Variants in ROBO2 observed in about 807,000 individuals in gnomAD.
ROBO2 encodes the protein roundabout homolog 2.
ROBO2 carries 53 observed loss-of-function variants against 160.8 expected under a neutral mutation model. The observed-to-expected ratio is 0.33, with a 90% CI of 0.26 to 0.41. The LOEUF is 0.41. Among genes scored for constraint, ROBO2 ranks in the 10% least tolerant of loss-of-function variants. ROBO2 has a pLI of 1.00. For synonymous variants in ROBO2, 664 were observed against 611.7 expected (o/e 1.09, Z -1.26); for missense variants, 1,577 against 1,722.4 (o/e 0.92, Z 1.49).
chr3:76,843,713 G>A (rs954311827), intron 2 of ROBO2, among the ~76,000 whole-genome samples: 27 of 151,792 alleles, frequency 1.8e-4, no homozygotes, highest in African/African-American at 5.8e-4. Context: ...ATCTGGGGTC[G>A]CTCACCAGAA....
intron 2 of ROBO2, among the ~76,000 whole-genome samples, chr3:76,084,538 A>G (rs2068943121): frequency 6.6e-6 from 1 of 152,132 alleles, no homozygotes. Context: ...TAGATGCAGG[A>G]ATTAAATCCT....
At chr3:77,317,529 A>G (rs917623456) in intron 2 of ROBO2, 10 of 1,406,560 alleles carry the variant, frequency 7.1e-6, no homozygotes, top group Admixed American at 1.7e-5. Flanking sequence ...ATCAAGCTTT[A>G]TTAAGCCAAT....
At chr3:76,906,641 C>A (rs933834557) in intron 2 of ROBO2, among the ~76,000 whole-genome samples, 3 of 151,992 alleles carry the variant, frequency 2.0e-5, no homozygotes, top group Admixed American at 6.6e-5. Flanking sequence ...AACTACGGCA[C>A]AGAGAAGTTA....
At chr3:76,219,948 C>A (rs376892523) in intron 2 of ROBO2, among the ~76,000 whole-genome samples, 1 of 151,854 alleles carries the variant, frequency 6.6e-6, no homozygotes, top group Admixed American at 6.6e-5. Flanking sequence ...CAATGATAGA[C>A]TGGATTAAGA....
chr3:77,036,565 C>G (rs1264879242), upstream of ROBO2, among the ~76,000 whole-genome samples: 2 of 151,958 alleles, frequency 1.3e-5, no homozygotes, highest in Admixed American at 1.3e-4. Context: ...ATTGGATAAC[C>G]TTACCCAAAT....
At position 76,550,878 on chromosome 3, in the gene ROBO2, G is replaced by C. The variant is rs890417483; in HGVS notation, c.110-547136G>C. On this transcript the variant is annotated intron_variant, in intron 2 of 26. Coordinates refer to the ROBO2 transcript ENST00000487694. ...GAGCATGGGAGGGATCCCTGGGGGA[G>C]CTGAGGGCAGCTTAGTGCAGGCCTG... Among the ~76,000 whole-genome samples the C allele has an allele frequency of 4.6e-5, 7 of 152,316 alleles. 1 individual carries two copies. In the South Asian group the frequency reaches 1.4e-3, roughly 32 times the overall value.
exon 11 of ROBO2, chr3:77,563,295 C>G: frequency 6.2e-7 from 1 of 1,613,588 alleles, no homozygotes. Flanking sequence ...CCCTGGAACC[C>G]TTCCAGCAAG....
chr3:77,024,621 T>G (rs1360911360), intron 2 of ROBO2, among the ~76,000 whole-genome samples: 1 of 152,130 alleles, frequency 6.6e-6, no homozygotes, highest in Non-Finnish European at 1.5e-5. Flanking sequence ...GAGACCCGAC[T>G]CCACACTGAG....
At chr3:77,598,833 G>T (rs1437009793) in intron 19 of ROBO2, among the ~76,000 whole-genome samples, 1 of 152,074 alleles carries the variant, frequency 6.6e-6, no homozygotes, top group African/African-American at 2.4e-5. Context: ...TTGTCAAAAG[G>T]AATTCTGTTC....
Position 77,486,134 on chromosome 3 carries a change from G to A in ROBO2, c.667+4915G>A, listed in dbSNP as rs532214392. On this transcript the variant is annotated intron_variant, in intron 4 of 25. Coordinates refer to ENST00000461745, the Ensembl canonical transcript of ROBO2. ...TCTGATTCCTTTTTATGACTGCATA[G>A]TATTCCATGGTGTATTTGTACCACA... 4.6e-5 allele frequency among the ~76,000 whole-genome samples: 7 copies of A among 152,302 alleles called. No homozygotes were observed. In the East Asian group the frequency reaches 1.4e-3, roughly 29 times the overall value.
intron 2 of ROBO2, among the ~76,000 whole-genome samples, chr3:76,603,803 C>T (rs2087428647): frequency 6.6e-6 from 1 of 152,018 alleles, no homozygotes; most frequent in African/African-American, 2.4e-5. Flanking sequence ...TGGTCACTGG[C>T]ACACTTAGCA....
At chr3:77,634,556 A>T in intron 23 of ROBO2, 1 of 329,038 alleles carries the variant, frequency 3.0e-6, no homozygotes, top group South Asian at 3.2e-5. Flanking sequence ...TGACAATATC[A>T]ATAATATTGT....
At position 76,094,017 on chromosome 3, in the gene ROBO2, C is replaced by G. The variant is rs563216491; in HGVS notation, c.109+156415C>G. Among the ~76,000 whole-genome samples the G allele has an allele frequency of 4.6e-5, 7 of 152,116 alleles. No homozygotes were observed. In the South Asian group the frequency reaches 1.5e-3, roughly 32 times the overall value. On this transcript the variant is annotated intron_variant, in intron 2 of 26. Coordinates refer to the ROBO2 transcript ENST00000487694. ...TGTGAAAAAAATTAAAAGCTATGGA[C>G]CAAATATGTGCCAGATCACAAAAAG... is the stretch of plus-strand genomic sequence containing the variant.
At chr3:76,835,011 T>A (rs1460505645) in intron 2 of ROBO2, among the ~76,000 whole-genome samples, 1 of 152,124 alleles carries the variant, frequency 6.6e-6, no homozygotes, top group African/African-American at 2.4e-5. Flanking sequence ...CAAAAGGAAT[T>A]ATATCTTATA....
chr3:77,267,275 A>G (rs911292522), intron 2 of ROBO2, among the ~76,000 whole-genome samples: 1 of 152,206 alleles, frequency 6.6e-6, no homozygotes, highest in African/African-American at 2.4e-5. Flanking sequence ...TTTATTGCGG[A>G]CAGCCTTAAT....
intron 2 of ROBO2, among the ~76,000 whole-genome samples, chr3:76,411,614 C>A (rs1184016688): frequency 6.6e-6 from 1 of 152,006 alleles, no homozygotes; most frequent in Non-Finnish European, 1.5e-5. Context: ...TCCACCACAC[C>A]AGTTCACACA....
chr3:76,963,836 C>CAAAA (rs11407644), intron 2 of ROBO2, among the ~76,000 whole-genome samples: 4,017 of 106,080 alleles, frequency 0.038, 178 homozygotes, highest in African/African-American at 0.12. Context: ...TGAGGAACTG[C>CAAAA]AAAAAAAAAA....
intron 2 of ROBO2, among the ~76,000 whole-genome samples, chr3:76,193,123 T>G (rs1312593654): frequency 6.6e-6 from 1 of 152,184 alleles, no homozygotes; most frequent in Non-Finnish European, 1.5e-5. Context: ...ATACCATTTT[T>G]GGAGGTACTT....
chr3:76,101,798 C>T (rs138310391), intron 2 of ROBO2, among the ~76,000 whole-genome samples: 7,975 of 145,564 alleles, frequency 0.055, 237 homozygotes, highest in Admixed American at 0.073. Flanking sequence ...TGTTCCCCTT[C>T]CTGTGTCCCT....
Sources: gnomAD v4.1 joint callset for allele counts (sites outside exome capture counted in the v4.1 genomes callset) on GRCh38, gnomAD v4.1.1 for gene constraint, MANE v1.5 for transcripts, NCBI Gene and HGNC (gene_info 2026-07-23, HGNC 2026-07-21) for gene names.